The following SC5D variants were observed in gnomAD, a reference collection of about 807,000 sequenced individuals.
SC5D encodes sterol-C5-desaturase, also known as lathosterol oxidase.
In SC5D, 21 loss-of-function variants were observed where a neutral mutation model predicts 23.9. That is an observed-to-expected ratio of 0.88 (90% CI 0.62 to 1.26). The LOEUF (loss-of-function observed/expected upper bound fraction) is 1.26, where lower values mean the gene tolerates loss of function less well. Ranked by LOEUF, SC5D falls within the 50% of genes most tolerant of loss-of-function variation. SC5D has a pLI of 0.00. For synonymous variants in SC5D, 113 were observed against 125.9 expected, an observed-to-expected ratio of 0.90 and a Z score of 0.68; for missense variants, 309 against 364.8, an observed-to-expected ratio of 0.85 and a Z score of 1.25.
intron 1 of SC5D, among the ~76,000 whole-genome samples, chr11:121,297,946 A>G (rs982652117): frequency 1.3e-5 from 2 of 152,234 alleles, no homozygotes; most frequent in African/African-American, 4.8e-5. Flanking sequence ...CAGCTCTTTT[A>G]TGCATTCTCC....
In SC5D at chr11:121,303,504, C is replaced by T. The variant is rs1249184474; in HGVS notation, c.129C>T (p.Tyr43=). The change falls in exon 2 of 5, where the codon TAC becomes TAT. Residue 43 remains tyrosine, a synonymous_variant. Coordinates refer to ENST00000264027, the MANE Select transcript of SC5D (RefSeq NM_006918.5). ...SLLIVTNVGA[Y]ILYFFCATLS... ...TGATTGTAACAAATGTTGGTGCTTA[C>T]ATCCTTTATTTCTTCTGTGCAACAC... 5.6e-6 allele frequency: 9 copies of T among 1,613,788 alleles called. No homozygotes were observed. In the African/African-American group the frequency reaches 9.3e-5, roughly 17 times the overall value.
intron 1 of SC5D, among the ~76,000 whole-genome samples, chr11:121,302,343 G>A (rs552384381): frequency 2.6e-5 from 4 of 152,268 alleles, no homozygotes; most frequent in Non-Finnish European, 4.4e-5. Flanking sequence ...TGCTGAACAC[G>A]TTTTCTTGTG....
rs907885684 is a variant in SC5D, at chr11:121,304,452, G to A, written c.302G>A (p.Gly101Asp). 2.5e-6 allele frequency: 4 copies of A among 1,612,730 alleles called. No homozygotes were observed. In the African/African-American group the frequency reaches 4.0e-5, roughly 16 times the overall value. Residue 101 changes from glycine (G) to aspartate (D), a missense_variant, in exon 3 of 5, where the codon GGT (glycine) becomes GAT (aspartate). By Grantham distance (94) the Gly-to-Asp change is moderately conservative (BLOSUM62 -1). Coordinates refer to ENST00000264027, the MANE Select transcript of SC5D (RefSeq NM_006918.5). ...GCACTGTTCTTGCTGGAGATAAGAG[G>A]TTACAGCAAATTACATGATGACCTA... ...TVALFLLEIR[G>D]YSKLHDDLGE...
rs750271628 is a variant in SC5D, at chr11:121,308,817, A to C, written c.*1305A>C. On this transcript the variant is annotated 3_prime_UTR_variant, in exon 5 of 5. Transcript: ENST00000264027. ...ATATTTCACATTTTAACTAGATTTGAGTGTTTTTAGCAAGAAATCAGTCTT... is the reference window on the plus strand; with the variant it reads ...ATATTTCACATTTTAACTAGATTTGCGTGTTTTTAGCAAGAAATCAGTCTT... 3 of 152,554 alleles carry C rather than the reference A, an allele frequency of 2.0e-5. No individual in the cohort carries two copies. The highest frequency in any genetic ancestry group is 4.4e-5 in the Non-Finnish European group (3 of 68,040). 9.5% of individuals were successfully genotyped at this position (152,554 alleles called of 1,614,324 possible). A position where few individuals can be genotyped will look rare whatever the true frequency, so the allele number is the denominator to read the frequency against.
chr11:121,305,405 C>G (rs1947956411), intron 3 of SC5D: 1 of 151,474 alleles, frequency 6.6e-6, no homozygotes, highest in Non-Finnish European at 1.5e-5. Flanking sequence ...CTCAGGCTTG[C>G]AGGCACCAGC....
In SC5D at chr11:121,310,546, C is replaced by T. The variant is rs1278015298; in HGVS notation, c.*3034C>T. Reference sequence around the variant, plus strand: ...GATCTTGGTTCACTGCAAGCTCCACCTCCCGGGTTCACGCCATTCTCCTGC... The same window carrying T: ...GATCTTGGTTCACTGCAAGCTCCACTTCCCGGGTTCACGCCATTCTCCTGC... On this transcript the variant is annotated 3_prime_UTR_variant, in exon 5 of 5. Coordinates refer to ENST00000264027, the MANE Select transcript of SC5D (RefSeq NM_006918.5). Among the ~76,000 whole-genome samples the T allele has an allele frequency of 2.0e-5, 3 of 150,976 alleles. No individual in the cohort carries two copies. The highest frequency in any genetic ancestry group is 7.3e-5 in the African/African-American group (3 of 40,990).
At chr11:121,306,289 C>G in intron 3 of SC5D, 97 bp from the exon 4 acceptor site, 1 of 715,948 alleles carries the variant, frequency 1.4e-6, no homozygotes, top group Non-Finnish European at 2.6e-6. Context: ...ATGTTTGAGT[C>G]TAGGATCCCA....
Position 121,312,955 on chromosome 11 carries a change from T to C in SC5D, c.*5443T>C, listed in dbSNP as rs1948022661. 6.6e-6 allele frequency among the ~76,000 whole-genome samples: 1 copy of C among 152,110 alleles called. No individual in the cohort carries two copies. The highest frequency in any genetic ancestry group is 2.4e-5 in the African/African-American group (1 of 41,436). On this transcript the variant is annotated 3_prime_UTR_variant, in exon 5 of 5. Coordinates refer to ENST00000264027, the MANE Select transcript of SC5D (RefSeq NM_006918.5). ...GGGACGTTTTTTCTTTCTGATCAAC[T>C]TAATGAAATTATAATTTACTATAAT...
chr11:121,305,687 G>A (rs969498441), intron 3 of SC5D: 6 of 151,956 alleles, frequency 3.9e-5, no homozygotes, highest in African/African-American at 1.5e-4. Flanking sequence ...CTCCAGCCTG[G>A]GCGACAGAGC....
At chr11:121,294,141 T>C (rs1947873009) in intron 1 of SC5D, among the ~76,000 whole-genome samples, 1 of 152,248 alleles carries the variant, frequency 6.6e-6, no homozygotes, top group South Asian at 2.1e-4. Context: ...ATATTGTTAT[T>C]ATAACTGAGT....
Position 121,307,094 on chromosome 11 carries a change from C to A in SC5D, c.482C>A (p.Thr161Asn). The change falls in exon 5 of 5, where the codon ACT becomes AAT. Residue 161 changes from threonine to asparagine, a missense_variant. Physicochemically the swap from Thr to Asn is moderately conservative, Grantham distance 65. Transcript: ENST00000264027. ...HKPHHIWKIP[T>N]PFASHAFHPI... is the part of the protein sequence containing the mutation. ...CCTCACCATATTTGGAAGATTCCTACTCCATTTGCAAGTCATGCTTTTCAC... is the reference window on the plus strand; with the variant it reads ...CCTCACCATATTTGGAAGATTCCTAATCCATTTGCAAGTCATGCTTTTCAC... The A allele has an allele frequency of 6.2e-7, 1 of 1,614,176 alleles. No individual in the cohort carries two copies. The highest frequency in any genetic ancestry group is 8.5e-7 in the Non-Finnish European group (1 of 1,180,004).
At chr11:121,304,676 A>G (rs959551037) in intron 3 of SC5D, 183 bp downstream of exon 3, 4 of 574,084 alleles carry the variant, frequency 7.0e-6, no homozygotes, top group South Asian at 6.0e-5. Flanking sequence ...TAGTTTTTCT[A>G]TCAATCTGAA....
At chr11:121,302,730 T>C (rs1234698516) in intron 1 of SC5D, among the ~76,000 whole-genome samples, 1 of 152,146 alleles carries the variant, frequency 6.6e-6, no homozygotes, top group Non-Finnish European at 1.5e-5. Context: ...GGGCTGCAAT[T>C]TACCAACTCC....
intron 1 of SC5D, among the ~76,000 whole-genome samples, chr11:121,294,440 A>G (rs1180200225): frequency 6.6e-6 from 1 of 152,146 alleles, no homozygotes; most frequent in Non-Finnish European, 1.5e-5. Flanking sequence ...ACCCTATGCA[A>G]GTTACTTAAA....
At chr11:121,300,695 G>A (rs1333975873) in intron 1 of SC5D, among the ~76,000 whole-genome samples, 1 of 152,192 alleles carries the variant, frequency 6.6e-6, no homozygotes, top group Non-Finnish European at 1.5e-5. Flanking sequence ...CATGAGCAGG[G>A]CTGTTGCACA....
At chr11:121,296,185 T>G (rs2134262231) in intron 1 of SC5D, among the ~76,000 whole-genome samples, 1 of 152,326 alleles carries the variant, frequency 6.6e-6, no homozygotes, top group Non-Finnish European at 1.5e-5. Flanking sequence ...TCCAGATTTC[T>G]AATGGAATGG....
chr11:121,294,369 G>C (rs1429187426), intron 1 of SC5D, among the ~76,000 whole-genome samples: 1 of 152,064 alleles, frequency 6.6e-6, no homozygotes, highest in African/African-American at 2.4e-5. Context: ...AGAAGTTCAC[G>C]TACTTTGCAA....
At chr11:121,300,576 G>A (rs1056823120) in intron 1 of SC5D, among the ~76,000 whole-genome samples, 5 of 152,256 alleles carry the variant, frequency 3.3e-5, no homozygotes, top group Admixed American at 3.3e-4. Context: ...ATTATCAGCT[G>A]GCACTAACAA....
At chr11:121,300,361 A>G (rs1269748999) in intron 1 of SC5D, among the ~76,000 whole-genome samples, 2 of 152,180 alleles carry the variant, frequency 1.3e-5, no homozygotes, top group African/African-American at 4.8e-5. Flanking sequence ...ACTATGAAAA[A>G]CAGCAGCCTG....
Sources: allele counts gnomAD v4.1 joint callset (sites outside exome capture counted in the v4.1 genomes callset), GRCh38; gene constraint gnomAD v4.1.1; transcripts MANE v1.5; gene names NCBI Gene and HGNC (gene_info 2026-07-23, HGNC 2026-07-21).